ADHFE1: variants seen among roughly 807,000 people sequenced by gnomAD.
ADHFE1 encodes hydroxyacid-oxoacid transhydrogenase, mitochondrial.
Under a neutral mutation model 54.8 loss-of-function variants are expected in ADHFE1, and 37 were observed. The ratio of observed to expected loss-of-function variants is 0.68; its 90% CI spans 0.52 to 0.89. ADHFE1 has a LOEUF of 0.89. Among genes scored for constraint, ADHFE1 ranks in the 40% least tolerant of loss-of-function variants. The pLI is 0.00. For missense variants in ADHFE1, 601 were observed against 591.2 expected, an observed-to-expected ratio of 1.02 and a Z score of -0.17; for synonymous variants, 203 against 229.3, an observed-to-expected ratio of 0.89 and a Z score of 1.04.
chr8:66,451,763 A>G (rs1340798327), intron 8 of ADHFE1, among the ~76,000 whole-genome samples, 190 bp from the exon 9 acceptor site: 2 of 152,196 alleles, frequency 1.3e-5, no homozygotes, highest in African/African-American at 2.4e-5. Flanking sequence ...CAACTGTATT[A>G]ATTTATATTA....
At chr8:66,449,030 G>T (rs1266549002) in intron 8 of ADHFE1, 60 bp downstream of exon 8, 1 of 1,422,172 alleles carries the variant, frequency 7.0e-7, no homozygotes, top group East Asian at 2.3e-5. Flanking sequence ...ATAGTATTTT[G>T]TTGCTCAACG....
chr8:66,443,097 A>G (rs928154481), intron 3 of ADHFE1, among the ~76,000 whole-genome samples: 5 of 152,102 alleles, frequency 3.3e-5, no homozygotes, highest in Non-Finnish European at 5.9e-5. Flanking sequence ...CAATTCTACA[A>G]ATTCTCCAGT....
intron 10 of ADHFE1, among the ~76,000 whole-genome samples, chr8:66,456,384 A>G (rs1806584462): frequency 6.6e-6 from 1 of 152,224 alleles, no homozygotes; most frequent in South Asian, 2.1e-4. Context: ...GCACGTCATC[A>G]AATACAGCAC....
rs764277426 is a variant in ADHFE1 at position 66,460,391 on chromosome 8, G to A, written c.1246G>A (p.Val416Ile). 1.2e-6 allele frequency: 2 copies of A among 1,614,010 alleles called. No homozygotes were observed. Among genetic ancestry groups the A allele is most frequent in the South Asian group, 2.2e-5 (2 of 91,070 alleles). The change falls in exon 13 of 14, where the codon GTT (valine) becomes ATT (isoleucine). Residue 416 changes from valine (V) to isoleucine (I), a missense_variant. Coordinates refer to ENST00000396623, the MANE Select transcript of ADHFE1 (RefSeq NM_144650.3). ...TLRKFLFDLDVDDGLAAVGYS... is the reference protein window; with the variant it reads ...TLRKFLFDLDIDDGLAAVGYS... ...CCGGAAATTCTTATTCGATCTGGAT[G>A]TTGATGATGGCCTAGCAGCTGTTGG...
At chr8:66,435,914 C>CTTTTTT (rs35544367) in intron 1 of ADHFE1, among the ~76,000 whole-genome samples, 2 of 102,548 alleles carry the variant, frequency 2.0e-5, no homozygotes, top group Non-Finnish European at 2.0e-5. Flanking sequence ...TAGCAAGATT[C>CTTTTTT]TTTTTTTTTT....
intron 7 of ADHFE1, among the ~76,000 whole-genome samples, chr8:66,448,362 T>G (rs928517965): frequency 5.1e-4 from 78 of 152,204 alleles, no homozygotes; most frequent in African/African-American, 1.6e-3. Context: ...TTACCTAATA[T>G]TCTCTCATTT....
chr8:66,453,943 T>C, intron 9 of ADHFE1, 116 bp from the exon 10 acceptor site: 16 of 1,532,592 alleles, frequency 1.0e-5, no homozygotes, highest in Non-Finnish European at 1.4e-5. Flanking sequence ...CTGATTTTTC[T>C]TCCTACCGAG....
Position 66,468,086 on chromosome 8 carries a change from A to G in ADHFE1, c.1321-183A>G, listed in dbSNP as rs79527249. On this transcript the variant is annotated intron_variant, in intron 13 of 13. Coordinates refer to ENST00000396623, the MANE Select transcript of ADHFE1 (RefSeq NM_144650.3). Reference sequence around the variant, plus strand: ...TCGAAAGCTCTGTGGGGAAAGAGGTATGATGTGATAAACCTCTGAGATGGG... The same window carrying G: ...TCGAAAGCTCTGTGGGGAAAGAGGTGTGATGTGATAAACCTCTGAGATGGG... 6.4e-4 allele frequency among the ~76,000 whole-genome samples: 97 copies of G among 152,292 alleles called. No individual in the cohort carries two copies. In the East Asian group the frequency reaches 9.5e-3, roughly 15 times the overall value.
chr8:66,465,368 TCAA>T (rs1212765849), intron 13 of ADHFE1, among the ~76,000 whole-genome samples: 7 of 152,238 alleles, frequency 4.6e-5, no homozygotes, highest in African/African-American at 7.2e-5. Context: ...CTTCACATCC[TCAA>T]CAACACTTGT....
At chr8:66,442,718 TC>T in intron 2 of ADHFE1, 79 bp from the exon 3 acceptor site, 1 of 1,239,218 alleles carries the variant, frequency 8.1e-7, no homozygotes, top group Non-Finnish European at 1.2e-6. Flanking sequence ...ATACTTATGT[TC>T]ACTGCTGGAT....
At chr8:66,446,558 C>T (rs1806035312) in intron 6 of ADHFE1, among the ~76,000 whole-genome samples, 1 of 152,190 alleles carries the variant, frequency 6.6e-6, no homozygotes, top group Non-Finnish European at 1.5e-5. Context: ...ACACAGAAGT[C>T]ATACATGCAT....
In ADHFE1 at chr8:66,445,366, A is replaced by T. The variant is rs751431769; in HGVS notation, c.502A>T (p.Ile168Phe). ...SDFLDYVSAP[I>F]GKGKPVSVPL... ...TTTCCTAGATTATGTCAGTGCCCCC[A>T]TTGGCAAGGGAAAGCCTGTGTCTGT... Residue 168 changes from isoleucine to phenylalanine, a missense_variant, in exon 6 of 14, where the codon ATT becomes TTT. Coordinates refer to ENST00000396623, the MANE Select transcript of ADHFE1 (RefSeq NM_144650.3). 8.1e-6 allele frequency: 13 copies of T among 1,613,874 alleles called. No homozygotes were observed. Among genetic ancestry groups the T allele is most frequent in the Non-Finnish European group, 1.1e-5 (13 of 1,179,968 alleles).
intron 13 of ADHFE1, among the ~76,000 whole-genome samples, chr8:66,463,769 A>T (rs974641088): frequency 6.6e-6 from 1 of 152,218 alleles, no homozygotes; most frequent in African/African-American, 2.4e-5. Context: ...CAGAAAGGTT[A>T]TTCAATGTAG....
At position 66,468,313 on chromosome 8, in the gene ADHFE1, T is replaced by G. The variant is rs1286036623; in HGVS notation, c.1365T>G (p.Asp455Glu). 4.3e-6 allele frequency: 7 copies of G among 1,613,528 alleles called. No individual in the cohort carries two copies. In the East Asian group the frequency reaches 1.3e-4, roughly 31 times the overall value. The change falls in exon 14 of 14, where the codon GAT becomes GAG. Residue 455 changes from aspartate (D) to glutamate (E), a missense_variant. Coordinates refer to ENST00000396623, the MANE Select transcript of ADHFE1 (RefSeq NM_144650.3). ...CACCCTGTCCCCAGTCAGAAGAGGA[T>G]CTGGCTGCTCTGTTTGAAGCTTCAA... ...KLAPCPQSEE[D>E]LAALFEASMK...
chr8:66,443,264 A>ATTTTTTTTTTTTTTTTTTTTTTT (rs540464621), intron 3 of ADHFE1, among the ~76,000 whole-genome samples: 1 of 86,102 alleles, frequency 1.2e-5, no homozygotes, highest in African/African-American at 4.1e-5. Flanking sequence ...TAGTCCAGGA[A>ATTTTTTTTTTTTTTTTTTTTTTT]TTTTTTTTTT....
chr8:66,443,381 G>A (rs555814430), intron 3 of ADHFE1, among the ~76,000 whole-genome samples: 10 of 146,854 alleles, frequency 6.8e-5, no homozygotes, highest in East Asian at 4.1e-4. Context: ...GAGTTCAAGC[G>A]ATTCTCCTGC....
At chr8:66,437,949 T>C (rs1805550229) in intron 1 of ADHFE1, among the ~76,000 whole-genome samples, 1 of 152,130 alleles carries the variant, frequency 6.6e-6, no homozygotes, top group Non-Finnish European at 1.5e-5. Context: ...GAGGAAATAA[T>C]AACGGCAAAG....
chr8:66,448,934 C>G lies in ADHFE1; in HGVS notation c.698C>G (p.Ala233Gly). Residue 233 changes from alanine to glycine, a missense_variant, in exon 8 of 14, where the codon GCC becomes GGC. Transcript: ENST00000396623. ...IDPLHTLHMPARVVANSGFDV... is the reference protein window; with the variant it reads ...IDPLHTLHMPGRVVANSGFDV... ...CCTCTGCACACCCTCCACATGCCTG[C>G]CCGAGTGGTCGCCAACAGTGGCTTT... is the stretch of plus-strand genomic sequence containing the variant. 6.2e-7 allele frequency: 1 copy of G among 1,614,166 alleles called. No homozygotes were observed. Among genetic ancestry groups the G allele is most frequent in the South Asian group, 1.1e-5 (1 of 91,074 alleles).
intron 12 of ADHFE1, among the ~76,000 whole-genome samples, chr8:66,458,063 GA>G (rs1806689756): frequency 6.6e-6 from 1 of 152,162 alleles, no homozygotes; most frequent in African/African-American, 2.4e-5. Context: ...AGTACCTTTT[GA>G]ATCTTACCAG....
Sources: gnomAD v4.1 joint callset for allele counts (sites outside exome capture counted in the v4.1 genomes callset) on GRCh38, gnomAD v4.1.1 for gene constraint, MANE v1.5 for transcripts, NCBI Gene and HGNC (gene_info 2026-07-23, HGNC 2026-07-21) for gene names.